The following MBP variants were observed in gnomAD, a reference collection of about 807,000 sequenced individuals.
MBP encodes the protein myelin basic protein, also known as Golli-MBP.
MBP carries 16 observed loss-of-function variants against 35.8 expected under a neutral mutation model. The ratio of observed to expected loss-of-function variants is 0.45; its 90% CI spans 0.30 to 0.68. The LOEUF is 0.68. Ranked by LOEUF, MBP falls within the 30% of genes least tolerant of loss-of-function variation. The probability of loss-of-function intolerance (pLI) is 0.08; values close to 1 mark genes in which losing one functional copy is unlikely to be tolerated. For missense variants in MBP, 380 were observed against 404.7 expected (o/e 0.94, Z 0.52); for synonymous variants, 143 against 159.6 (o/e 0.90, Z 0.78).
chr18:77,081,293 G>A (rs1470158540), intron 2 of MBP, among the ~76,000 whole-genome samples: 1 of 152,126 alleles, frequency 6.6e-6, no homozygotes, highest in Non-Finnish European at 1.5e-5. Context: ...GAAAATATTT[G>A]CAAATCACAT....
At chr18:76,982,827 G>A (rs779122465) in intron 8 of MBP, 10 of 152,188 alleles carry the variant, frequency 6.6e-5, no homozygotes. Context: ...TTTTTATGCA[G>A]TAAAATTTAA....
intron 4 of MBP, chr18:77,015,085 T>G: frequency 1.0e-6 from 1 of 983,126 alleles, no homozygotes; most frequent in Non-Finnish European, 1.2e-6. Context: ...AAGGCTGTAA[T>G]CTTACCATAA....
chr18:77,083,168 C>T (rs147906889), intron 2 of MBP, among the ~76,000 whole-genome samples: 1,683 of 152,174 alleles, frequency 0.011, 14 homozygotes, highest in Non-Finnish European at 0.02. Context: ...GGTTTTGCCA[C>T]GTTGGCCAGG....
chr18:76,999,593 A>G (rs565905742), intron 4 of MBP, among the ~76,000 whole-genome samples: 1 of 151,810 alleles, frequency 6.6e-6, no homozygotes, highest in African/African-American at 2.4e-5. Flanking sequence ...AGCTGGGATT[A>G]CAGGCATGCA....
rs896289081 is a variant in MBP at position 76,979,471 on chromosome 18, C to G, written c.*956G>C. 6.3e-6 allele frequency: 1 copy of G among 157,550 alleles called. No homozygotes were observed. Among genetic ancestry groups the G allele is most frequent in the African/African-American group, 2.4e-5 (1 of 41,488 alleles). The allele number at this position is 157,550 out of a possible 1,614,324, so 9.8% of individuals were successfully genotyped here. On this transcript the variant is annotated 3_prime_UTR_variant, in exon 9 of 9. Transcript: ENST00000355994. ...TGTGCACTGCCGCTGCCAGCACGCCCGGTCACAGCCAGTGTCTATGGGCGA... is the reference window on the plus strand; with the variant it reads ...TGTGCACTGCCGCTGCCAGCACGCCGGGTCACAGCCAGTGTCTATGGGCGA...
chr18:77,022,000 G>A (rs1972008818), intron 3 of MBP, among the ~76,000 whole-genome samples: 1 of 152,188 alleles, frequency 6.6e-6, no homozygotes, highest in Non-Finnish European at 1.5e-5. Flanking sequence ...GAGGAGTGAG[G>A]TGGGGTTGCT....
intron 4 of MBP, among the ~76,000 whole-genome samples, chr18:77,007,516 G>A (rs1485385213): frequency 1.3e-5 from 2 of 152,212 alleles, no homozygotes; most frequent in Non-Finnish European, 2.9e-5. Flanking sequence ...GCATCCCTGG[G>A]AGGGTTCTCT....
chr18:76,998,575 T>G lies in MBP; in HGVS notation c.577-8515A>C, dbSNP rs543542844. ...AGATGCCCGAACGCCCCACCCTCCTTTCCCCAACAGCCTGAAGTGAAGCTG... is the reference window on the plus strand; with the variant it reads ...AGATGCCCGAACGCCCCACCCTCCTGTCCCCAACAGCCTGAAGTGAAGCTG... On this transcript the variant is annotated intron_variant, in intron 4 of 8. Coordinates refer to ENST00000355994, the MANE Select transcript of MBP (RefSeq NM_001025101.2). Among the ~76,000 whole-genome samples, 7 of 152,262 alleles carry G rather than the reference T, an allele frequency of 4.6e-5. No individual in the cohort carries two copies. In the South Asian group the frequency reaches 1.4e-3, roughly 32 times the overall value.
chr18:77,036,699 G>C (rs1334399340), intron 3 of MBP, among the ~76,000 whole-genome samples: 4 of 147,738 alleles, frequency 2.7e-5, no homozygotes, highest in Non-Finnish European at 6.0e-5. Context: ...CTGAGCAAGT[G>C]CTGGTCACAT....
chr18:76,989,745 C>G lies in MBP; in HGVS notation c.681+211G>C. On this transcript the variant is annotated intron_variant, in intron 5 of 8. Transcript: ENST00000355994. The surrounding 1 kb of genome is among the most constrained non-coding windows in gnomAD (Gnocchi z 4.0). Reference sequence around the variant, plus strand: ...TGAGCTCTCTGGAGAACGCACGGAGCGCACGGTGCAATCCGTGGCAGATAC... The same window carrying G: ...TGAGCTCTCTGGAGAACGCACGGAGGGCACGGTGCAATCCGTGGCAGATAC... 3.6e-6 allele frequency: 2 copies of G among 548,026 alleles called. No homozygotes were observed. The highest frequency in any genetic ancestry group is 4.0e-5 in the South Asian group (2 of 49,482). The allele number at this position is 548,026 out of a possible 1,614,324, so 33.9% of individuals were successfully genotyped here.
chr18:77,033,762 CCAT>C lies in MBP; in HGVS notation c.140-16497_140-16495del, dbSNP rs747207750. Among the ~76,000 whole-genome samples, 170 of 33,264 alleles carry C rather than the reference CCAT, an allele frequency of 5.1e-3. 1 individual carries two copies. Among genetic ancestry groups the C allele is most frequent in the Admixed American group, 0.019 (52 of 2,800 alleles). The allele number at this position is 33,264 out of a possible 152,430, so 21.8% of individuals were successfully genotyped here. A position where few individuals can be genotyped will look rare whatever the true frequency, so the allele number is the denominator to read the frequency against. Reference sequence around the variant, plus strand: ...TCTACCTATGCATCAATCCACCCATCCATCCATCCATCCATCCATCCATCCATC... The same window carrying C: ...TCTACCTATGCATCAATCCACCCATCCCATCCATCCATCCATCCATCCATC... On this transcript the variant is annotated intron_variant, in intron 3 of 8. Coordinates refer to ENST00000355994, the MANE Select transcript of MBP (RefSeq NM_001025101.2).
intron 2 of MBP, among the ~76,000 whole-genome samples, chr18:77,085,562 A>C (rs1463314316): frequency 1.3e-5 from 2 of 152,174 alleles, no homozygotes; most frequent in African/African-American, 4.8e-5. Context: ...GCCACGTGTC[A>C]CCATTATGTT....
intron 2 of MBP, among the ~76,000 whole-genome samples, chr18:77,092,210 G>C (rs1001876140): frequency 1.3e-5 from 2 of 152,362 alleles, no homozygotes; most frequent in East Asian, 3.9e-4. Flanking sequence ...AGTGCGCGGC[G>C]CCTCACATAG....
chr18:77,113,921 C>T (rs1976561846), intron 1 of MBP: 1 of 152,220 alleles, frequency 6.6e-6, no homozygotes, highest in African/African-American at 2.4e-5. Flanking sequence ...CATGTCTGTC[C>T]TACAGCAAGC....
chr18:77,076,230 C>T (rs1043999070), intron 2 of MBP, among the ~76,000 whole-genome samples: 10 of 152,188 alleles, frequency 6.6e-5, no homozygotes, highest in Non-Finnish European at 1.5e-4. Flanking sequence ...CGCTGGTGGT[C>T]CTGCTAACAC....
At chr18:77,046,723 C>G (rs1973273321) in intron 3 of MBP, among the ~76,000 whole-genome samples, 1 of 152,254 alleles carries the variant, frequency 6.6e-6, no homozygotes, top group Admixed American at 6.5e-5. Flanking sequence ...ATTCCATAGT[C>G]TCTCCAAAGA....
At chr18:76,990,818 C>G (rs376478236) in intron 4 of MBP, 1 of 233,040 alleles carries the variant, frequency 4.3e-6, no homozygotes, top group African/African-American at 2.4e-5. Context: ...GATGAGCCAC[C>G]AGACACACCT....
chr18:77,111,006 G>A (rs1050704961), intron 1 of MBP, among the ~76,000 whole-genome samples: 1 of 152,022 alleles, frequency 6.6e-6, no homozygotes, highest in Non-Finnish European at 1.5e-5. Context: ...CGCGGTGTAC[G>A]GGACCTTAAA....
chr18:77,016,136 C>T (rs892847931), intron 4 of MBP: 53 of 980,916 alleles, frequency 5.4e-5, no homozygotes, highest in Admixed American at 6.3e-5. Flanking sequence ...CTCCTAGACT[C>T]TGGACCCCAT....
Sources: gnomAD v4.1 joint callset for allele counts (sites outside exome capture counted in the v4.1 genomes callset) on GRCh38, gnomAD v4.1.1 for gene constraint, Gnocchi (gnomAD v3.1) non-coding constraint, MANE v1.5 for transcripts, NCBI Gene and HGNC (gene_info 2026-07-23, HGNC 2026-07-21) for gene names.